MTUS1: variants seen among roughly 807,000 people sequenced by gnomAD.
The protein encoded by MTUS1 is microtubule-associated tumor suppressor 1.
MTUS1 carries 109 observed loss-of-function variants against 120.8 expected under a neutral mutation model. The observed-to-expected ratio is 0.90, with a 90% CI of 0.77 to 1.06. The LOEUF (loss-of-function observed/expected upper bound fraction) is 1.06, where lower values mean the gene tolerates loss of function less well. MTUS1 is among the 50% of genes least tolerant of loss of function. The pLI, the probability that MTUS1 is intolerant of heterozygous loss-of-function variation, is 0.00. For missense variants in MTUS1, 2,210 were observed against 1,486.3 expected, an observed-to-expected ratio of 1.49 and a Z score of -8.01; for synonymous variants, 737 against 550.5, an observed-to-expected ratio of 1.34 and a Z score of -4.74.
intron 2 of MTUS1, among the ~76,000 whole-genome samples, chr8:17,752,863 G>C (rs920222234): frequency 1.3e-5 from 2 of 152,116 alleles, no homozygotes; most frequent in Admixed American, 1.3e-4. Context: ...ATAGGGCTGA[G>C]GACACATGCC....
rs559218240 is a variant in MTUS1 at position 17,731,751 on chromosome 8, T to A, written c.2288-7918A>T. 2.0e-5 allele frequency among the ~76,000 whole-genome samples: 3 copies of A among 152,272 alleles called. No homozygotes were observed. In the East Asian group the frequency reaches 5.8e-4, roughly 29 times the overall value. On this transcript the variant is annotated intron_variant, in intron 3 of 14. Transcript: ENST00000693296. The stretch of plus-strand genomic sequence containing the variant: ...AAAAAAAATCCTATGCCCCCAAATA[T>A]AAGTGAGCGAAAGCTCTTGATGAAA...
chr8:17,790,411 A>ACTG (rs1330934386), intron 1 of MTUS1, among the ~76,000 whole-genome samples: 1 of 152,102 alleles, frequency 6.6e-6, no homozygotes, highest in Non-Finnish European at 1.5e-5. Flanking sequence ...AAGACCACAG[A>ACTG]CTGCTAATCT....
At chr8:17,719,813 C>A (rs2131077557) in intron 4 of MTUS1, among the ~76,000 whole-genome samples, 1 of 152,262 alleles carries the variant, frequency 6.6e-6, no homozygotes, top group African/African-American at 2.4e-5. Context: ...AAACAAAAAA[C>A]TAAGGGTAAA....
chr8:17,788,996 G>A (rs928951591), intron 1 of MTUS1, among the ~76,000 whole-genome samples: 1 of 151,220 alleles, frequency 6.6e-6, no homozygotes, highest in African/African-American at 2.4e-5. Context: ...TTATGCTAAA[G>A]AAATGATTTG....
In MTUS1 at chr8:17,687,513, C is replaced by A. The variant is rs527801318; in HGVS notation, c.2624-2971G>T. On this transcript the variant is annotated intron_variant, in intron 6 of 14. Transcript: ENST00000693296. ...TATTAGCATGTTACTGTTTTGATAA[C>A]AAAGGTTTTATACAGAAGTATAAAT... Among the ~76,000 whole-genome samples the A allele has an allele frequency of 8.4e-4, 128 of 152,268 alleles. 1 individual carries two copies. The highest frequency in any genetic ancestry group is 2.7e-3 in the African/African-American group (114 of 41,554).
rs372650493 is a variant in MTUS1 at position 17,702,895 on chromosome 8, G to A, written c.2623+10319C>T. ...CGGCAGAGGAAACATAAATTGTGACGATTTCATGGACATTTATCACTTCTC... is the reference window on the plus strand; with the variant it reads ...CGGCAGAGGAAACATAAATTGTGACAATTTCATGGACATTTATCACTTCTC... On this transcript the variant is annotated intron_variant, in intron 6 of 14. Coordinates refer to ENST00000693296, the MANE Select transcript of MTUS1 (RefSeq NM_001363059.2). Among the ~76,000 whole-genome samples, 9 of 152,124 alleles carry A rather than the reference G, an allele frequency of 5.9e-5. No homozygotes were observed. The East Asian group carries it at 9.6e-4, about 16-fold the overall frequency.
intron 6 of MTUS1, among the ~76,000 whole-genome samples, chr8:17,701,119 G>C (rs540169948): frequency 6.6e-6 from 1 of 152,300 alleles, no homozygotes; most frequent in East Asian, 1.9e-4. Flanking sequence ...AGTGACTTGT[G>C]TGGAGATTCA....
At chr8:17,675,374 G>C (rs1812888913) in intron 7 of MTUS1, 122 bp from the exon 8 acceptor site, 1 of 723,316 alleles carries the variant, frequency 1.4e-6, no homozygotes, top group South Asian at 2.4e-5. Context: ...GAATCATTTA[G>C]GCTAACAATT....
At chr8:17,784,380 C>A (rs1354400657) in intron 1 of MTUS1, among the ~76,000 whole-genome samples, 1 of 149,928 alleles carries the variant, frequency 6.7e-6, no homozygotes, top group African/African-American at 2.5e-5. Flanking sequence ...ACTGCAACCT[C>A]CACCTCCCAC....
intron 1 of MTUS1, among the ~76,000 whole-genome samples, chr8:17,781,905 C>G (rs538858077): frequency 3.3e-5 from 5 of 152,292 alleles, no homozygotes; most frequent in Admixed American, 1.3e-4. Flanking sequence ...CTTCAGAAGC[C>G]AGGCAGGTCC....
At chr8:17,705,261 GGC>G (rs1406887420) in intron 6 of MTUS1, among the ~76,000 whole-genome samples, 3 of 152,162 alleles carry the variant, frequency 2.0e-5, no homozygotes, top group Admixed American at 6.5e-5. Context: ...TGGGATTACA[GGC>G]GTGAGCCACC....
intron 8 of MTUS1, among the ~76,000 whole-genome samples, chr8:17,666,578 A>G (rs147327032): frequency 6.6e-6 from 1 of 152,298 alleles, no homozygotes; most frequent in Non-Finnish European, 1.5e-5. Flanking sequence ...CACCTGGATG[A>G]TCATTAAAAG....
intron 1 of MTUS1, among the ~76,000 whole-genome samples, chr8:17,788,846 G>A (rs2051526385): frequency 6.6e-6 from 1 of 152,110 alleles, no homozygotes; most frequent in East Asian, 1.9e-4. Context: ...AAAAGAACAA[G>A]AGGCAAAACA....
intron 8 of MTUS1, chr8:17,674,354 A>C (rs1812634110): frequency 2.0e-6 from 1 of 505,484 alleles, no homozygotes; most frequent in Non-Finnish European, 2.6e-6. Context: ...CGGGAGGCGG[A>C]GGTTGCAGTG....
At chr8:17,696,715 T>G (rs886629843) in intron 6 of MTUS1, among the ~76,000 whole-genome samples, 3 of 152,216 alleles carry the variant, frequency 2.0e-5, no homozygotes, top group Admixed American at 6.5e-5. Context: ...ACACTTTTAT[T>G]ATGAAGATTG....
Position 17,755,620 on chromosome 8 carries a change from G to T in MTUS1, c.188C>A (p.Ala63Asp), listed in dbSNP as rs868178696. The change falls in exon 2 of 15, where the codon GCT (alanine) becomes GAT (aspartate). Residue 63 changes from alanine (A) to aspartate (D), a missense_variant. By Grantham distance (126) the Ala-to-Asp change is moderately radical. Coordinates refer to ENST00000693296, the MANE Select transcript of MTUS1 (RefSeq NM_001363059.2). ...DMVVDYETDP[A>D]VVTGENISLS... ...AGAAATATTTTCACCAGTAACTACAGCAGGGTCAGTTTCATAATCAACCAC... is the reference window on the plus strand; with the variant it reads ...AGAAATATTTTCACCAGTAACTACATCAGGGTCAGTTTCATAATCAACCAC... 2 of 1,614,198 alleles carry T rather than the reference G, an allele frequency of 1.2e-6. No individual in the cohort carries two copies. Among genetic ancestry groups the T allele is most frequent in the African/African-American group, 2.7e-5 (2 of 75,056 alleles).
intron 3 of MTUS1, among the ~76,000 whole-genome samples, chr8:17,736,221 G>C (rs946384165): frequency 9.2e-5 from 14 of 152,218 alleles, no homozygotes; most frequent in African/African-American, 2.9e-4. Context: ...GAAACGCCTG[G>C]AAAAGATCAA....
In MTUS1 at chr8:17,679,515, AT is replaced by A. The variant is rs796625369; in HGVS notation, c.2839-4264del. Among the ~76,000 whole-genome samples the A allele has an allele frequency of 5.6e-3, 209 of 37,122 alleles. 9 individuals are homozygous for A. The South Asian group carries it at 0.11, about 19-fold the overall frequency. 24.4% of individuals were successfully genotyped at this position (37,122 alleles called of 152,430 possible). On this transcript the variant is annotated intron_variant, in intron 7 of 14. Coordinates refer to ENST00000693296, the MANE Select transcript of MTUS1 (RefSeq NM_001363059.2). ...TATTTATTTATTTATTTATTTATTT[AT>A]TTTTTGAGACAGGGTCTCACTGTCA...
intron 3 of MTUS1, among the ~76,000 whole-genome samples, chr8:17,729,718 T>G (rs1274007172): frequency 6.6e-6 from 1 of 152,030 alleles, no homozygotes; most frequent in Admixed American, 6.6e-5. Flanking sequence ...AATTGAATTT[T>G]TAAAACATGT....
Sources: allele counts gnomAD v4.1 joint callset (sites outside exome capture counted in the v4.1 genomes callset), GRCh38; gene constraint gnomAD v4.1.1; transcripts MANE v1.5; gene names NCBI Gene and HGNC (gene_info 2026-07-23, HGNC 2026-07-21).